The following SOHLH2 variants were observed in gnomAD, a reference collection of about 807,000 sequenced individuals.
SOHLH2 encodes spermatogenesis and oogenesis specific basic helix-loop-helix 2.
A neutral mutation model predicts 50.4 loss-of-function variants in SOHLH2; 22 were observed. The observed-to-expected ratio is 0.44, with a 90% CI of 0.31 to 0.62. The LOEUF (loss-of-function observed/expected upper bound fraction) is 0.62. SOHLH2 is among the 20% of genes least tolerant of loss of function. The pLI is 0.08. For missense variants in SOHLH2, 412 were observed against 504.4 expected, an observed-to-expected ratio of 0.82 and a Z score of 1.76; for synonymous variants, 185 against 187.3, an observed-to-expected ratio of 0.99 and a Z score of 0.10.
chr13:36,208,838 C>A (rs961657464), intron 1 of SOHLH2, among the ~76,000 whole-genome samples: 1 of 152,186 alleles, frequency 6.6e-6, no homozygotes, highest in Non-Finnish European at 1.5e-5. Context: ...TTTTACCCAG[C>A]AAATACTTAT....
At chr13:36,181,075 A>C (rs1308825932) in intron 6 of SOHLH2, among the ~76,000 whole-genome samples, 1 of 152,150 alleles carries the variant, frequency 6.6e-6, no homozygotes, top group East Asian at 1.9e-4. Context: ...TGTGATTTTA[A>C]TATCATTCTG....
intron 1 of SOHLH2, among the ~76,000 whole-genome samples, chr13:36,207,563 G>A (rs1222498674): frequency 2.0e-5 from 3 of 152,094 alleles, no homozygotes; most frequent in Non-Finnish European, 4.4e-5. Context: ...AAGAAATTGT[G>A]AGAAAGAAAA....
chr13:36,179,908 G>A (rs1029941904), intron 6 of SOHLH2, among the ~76,000 whole-genome samples: 18 of 152,204 alleles, frequency 1.2e-4, no homozygotes, highest in African/African-American at 4.3e-4. Flanking sequence ...TTAGGGTTAT[G>A]TTGTTCCCAT....
intron 4 of SOHLH2, among the ~76,000 whole-genome samples, 187 bp downstream of exon 4, chr13:36,193,434 C>T (rs1887632157): frequency 6.6e-6 from 1 of 152,238 alleles, no homozygotes; most frequent in Admixed American, 6.5e-5. Flanking sequence ...CCTGTGCCTA[C>T]CGCAGCACTG....
chr13:36,181,018 T>C (rs1380444819), intron 6 of SOHLH2, among the ~76,000 whole-genome samples: 1 of 152,244 alleles, frequency 6.6e-6, no homozygotes, highest in Non-Finnish European at 1.5e-5. Flanking sequence ...CATTTAATTC[T>C]GTAAATTTTT....
chr13:36,191,282 G>C (rs2138297663), intron 5 of SOHLH2, among the ~76,000 whole-genome samples: 1 of 152,192 alleles, frequency 6.6e-6, no homozygotes, highest in Admixed American at 6.5e-5. Context: ...TACCAAACAA[G>C]AAGATTCCAA....
Position 36,199,331 on chromosome 13 carries a change from AT to A in SOHLH2, c.263+2547del, listed in dbSNP as rs1465460444. Among the ~76,000 whole-genome samples the A allele has an allele frequency of 3.6e-4, 54 of 151,788 alleles. 1 individual carries two copies. In the East Asian group the frequency reaches 7.8e-3, roughly 22 times the overall value. On this transcript the variant is annotated intron_variant, in intron 2 of 10. Coordinates refer to ENST00000379881, the MANE Select transcript of SOHLH2 (RefSeq NM_017826.3). Reference sequence around the variant, plus strand: ...CACCCTCACACACACACACACACACATAACCAAACGACTCTGTCCCCTTGCA... The same window carrying A: ...CACCCTCACACACACACACACACACAAACCAAACGACTCTGTCCCCTTGCA...
chr13:36,187,142 T>C (rs1280509857), intron 6 of SOHLH2, among the ~76,000 whole-genome samples: 1 of 152,160 alleles, frequency 6.6e-6, no homozygotes, highest in Non-Finnish European at 1.5e-5. Context: ...ATGCCACAGA[T>C]GTGAACAACC....
At chr13:36,206,797 C>T (rs1340005134) in intron 1 of SOHLH2, among the ~76,000 whole-genome samples, 1 of 151,576 alleles carries the variant, frequency 6.6e-6, no homozygotes, top group Non-Finnish European at 1.5e-5. Context: ...CCATCAATTT[C>T]TCTAATCATA....
rs868140301 is a variant in SOHLH2 at position 36,170,785 on chromosome 13, G to C, written c.1003C>G (p.Pro335Ala). Residue 335 changes from proline to alanine, a missense_variant and splice_region_variant, in exon 10 of 11, where the codon CCA (proline) becomes GCA (alanine). By Grantham distance (27) the Pro-to-Ala change is conservative. Transcript: ENST00000379881. ...ESSLDEAVRVPSSSASENAIG... is the reference protein window; with the variant it reads ...ESSLDEAVRVASSSASENAIG... ...GCATTCTCTGAGGCGGAGCTTGATG[G>C]AACTTTAATGAGAAAGAAAACAAAT... 8 of 1,610,182 alleles carry C rather than the reference G, an allele frequency of 5.0e-6. No homozygotes were observed. In the East Asian group the frequency reaches 1.8e-4, roughly 36 times the overall value.
chr13:36,188,232 C>T (rs1887478463), intron 6 of SOHLH2, among the ~76,000 whole-genome samples: 1 of 152,314 alleles, frequency 6.6e-6, no homozygotes, highest in Non-Finnish European at 1.5e-5. Flanking sequence ...TGGCTGAGCC[C>T]TGCTCGAACT....
intron 6 of SOHLH2, among the ~76,000 whole-genome samples, chr13:36,175,655 TA>T (rs1425850792): frequency 1.3e-5 from 2 of 152,216 alleles, no homozygotes; most frequent in African/African-American, 4.8e-5. Context: ...CTGCTATTAC[TA>T]ACTGGAACCT....
At chr13:36,192,907 C>A (rs1887616574) in intron 4 of SOHLH2, among the ~76,000 whole-genome samples, 1 of 152,092 alleles carries the variant, frequency 6.6e-6, no homozygotes. Flanking sequence ...AAACCTTGTA[C>A]CCCTTGACCA....
intron 6 of SOHLH2, among the ~76,000 whole-genome samples, chr13:36,189,312 TA>T (rs1887510900): frequency 6.6e-6 from 1 of 152,124 alleles, no homozygotes. Flanking sequence ...CCCAACAGAC[TA>T]GGTTATAATT....
At chr13:36,189,629 C>T (rs1425205462) in intron 6 of SOHLH2, among the ~76,000 whole-genome samples, 3 of 152,196 alleles carry the variant, frequency 2.0e-5, no homozygotes, top group South Asian at 2.1e-4. Context: ...TTTGTGTTCT[C>T]ATCATGACAT....
At position 36,168,780 on chromosome 13, in the gene SOHLH2, GTTCTT is replaced by G; in HGVS notation, c.*249_*253del. 3 of 475,506 alleles carry G rather than the reference GTTCTT, an allele frequency of 6.3e-6. No individual in the cohort carries two copies. The highest frequency in any genetic ancestry group is 1.1e-5 in the Non-Finnish European group (3 of 278,836). 29.5% of individuals were successfully genotyped at this position (475,506 alleles called of 1,614,324 possible). A position where few individuals can be genotyped will look rare whatever the true frequency, so the allele number is the denominator to read the frequency against. On this transcript the variant is annotated 3_prime_UTR_variant, in exon 11 of 11. Coordinates refer to ENST00000379881, the MANE Select transcript of SOHLH2 (RefSeq NM_017826.3). ...AGAGTGTAGGTCACTGAGGCCATTT[GTTCTT>G]GTAGCTCTCTGGCTGGCGGGGATCC...
chr13:36,179,627 G>A (rs541298389), intron 6 of SOHLH2, among the ~76,000 whole-genome samples: 3 of 151,492 alleles, frequency 2.0e-5, no homozygotes, highest in Non-Finnish European at 2.9e-5. Context: ...TGGCCTGGTC[G>A]GTCTTGAACT....
chr13:36,196,637 T>A (rs1887741065), intron 2 of SOHLH2, among the ~76,000 whole-genome samples: 1 of 152,234 alleles, frequency 6.6e-6, no homozygotes, highest in Non-Finnish European at 1.5e-5. Context: ...AATGATTTTT[T>A]AAAAACAGGT....
intron 6 of SOHLH2, among the ~76,000 whole-genome samples, chr13:36,178,487 C>T (rs528611607): frequency 2.0e-5 from 3 of 152,114 alleles, no homozygotes; most frequent in Non-Finnish European, 2.9e-5. Flanking sequence ...TATTTGTCAA[C>T]TTTTATGCCA....
Sources: gnomAD v4.1 joint callset for allele counts (sites outside exome capture counted in the v4.1 genomes callset) on GRCh38, gnomAD v4.1.1 for gene constraint, MANE v1.5 for transcripts, NCBI Gene and HGNC (gene_info 2026-07-23, HGNC 2026-07-21) for gene names.